CTNND1: variants seen among roughly 807,000 people sequenced by gnomAD.
CTNND1 encodes catenin delta 1.
CTNND1 carries 16 observed loss-of-function variants against 112.1 expected under a neutral mutation model. The observed-to-expected ratio is 0.14, with a 90% CI of 0.10 to 0.22. The LOEUF is 0.22. CTNND1 is among the 10% of genes least tolerant of loss of function. CTNND1 has a pLI of 1.00. For synonymous variants in CTNND1, 420 were observed against 446.5 expected (o/e 0.94, Z 0.75); for missense variants, 1,008 against 1,257.0 (o/e 0.80, Z 3.00).
At chr11:57,815,038 A>G (rs1439072929) in intron 18 of CTNND1, among the ~76,000 whole-genome samples, 2 of 151,990 alleles carry the variant, frequency 1.3e-5, no homozygotes, top group African/African-American at 4.8e-5. Flanking sequence ...CGTGATTCTC[A>G]TACCTCAGCC....
chr11:57,811,193 T>A (rs1323513138), intron 16 of CTNND1, among the ~76,000 whole-genome samples: 1 of 152,172 alleles, frequency 6.6e-6, no homozygotes, highest in Non-Finnish European at 1.5e-5. Context: ...AATATTTGGA[T>A]CCTTTGTAAT....
intron 12 of CTNND1, among the ~76,000 whole-genome samples, chr11:57,807,247 A>G (rs1292926343): frequency 6.6e-6 from 1 of 152,232 alleles, no homozygotes; most frequent in Non-Finnish European, 1.5e-5. Context: ...TTTAGGAACC[A>G]TAAATGGCCA....
At chr11:57,774,871 C>T (rs1188668566) in intron 1 of CTNND1, among the ~76,000 whole-genome samples, 2 of 152,054 alleles carry the variant, frequency 1.3e-5, no homozygotes, top group Non-Finnish European at 2.9e-5. Flanking sequence ...CGCCACCATA[C>T]CTGCTTAATT....
Position 57,816,933 on chromosome 11 carries a change from A to G in CTNND1, c.*625A>G, listed in dbSNP as rs2064021820. Reference sequence around the variant, plus strand: ...GGGATTAAGAAACCTTGCTCTCCTCATCTCCAAGGCAGGGACCATCAAGAA... The same window carrying G: ...GGGATTAAGAAACCTTGCTCTCCTCGTCTCCAAGGCAGGGACCATCAAGAA... On this transcript the variant is annotated 3_prime_UTR_variant, in exon 21 of 21. Coordinates refer to ENST00000399050, the MANE Select transcript of CTNND1 (RefSeq NM_001085458.2). The G allele has an allele frequency of 6.5e-6, 1 of 154,424 alleles. No homozygotes were observed. The highest frequency in any genetic ancestry group is 6.5e-5 in the Admixed American group (1 of 15,478). 9.6% of individuals were successfully genotyped at this position (154,424 alleles called of 1,614,324 possible).
intron 2 of CTNND1, 114 bp from the exon 3 acceptor site, chr11:57,791,271 T>C: frequency 2.2e-6 from 2 of 896,420 alleles, no homozygotes; most frequent in East Asian, 3.4e-5. Flanking sequence ...GGTGGCTTGC[T>C]TTCTGCACTG....
At chr11:57,814,265 T>A in intron 17 of CTNND1, 46 bp from the exon 18 acceptor site, 1 of 1,441,022 alleles carries the variant, frequency 6.9e-7, no homozygotes, top group Non-Finnish European at 9.7e-7. Context: ...GTGTACAGAT[T>A]TTGAAGAATT....
chr11:57,790,967 G>C (rs2060675464), intron 2 of CTNND1, among the ~76,000 whole-genome samples: 1 of 152,028 alleles, frequency 6.6e-6, no homozygotes, highest in Non-Finnish European at 1.5e-5. Context: ...AGTAAGATCT[G>C]TATTGCCCTA....
At chr11:57,762,513 A>C (rs1477969273) in intron 1 of CTNND1, among the ~76,000 whole-genome samples, 2 of 152,180 alleles carry the variant, frequency 1.3e-5, no homozygotes, top group East Asian at 3.8e-4. Context: ...CATATGTTTA[A>C]AACTTTTTTT....
chr11:57,816,631 G>A lies in CTNND1; in HGVS notation c.*323G>A. On this transcript the variant is annotated 3_prime_UTR_variant, in exon 21 of 21. Coordinates refer to ENST00000399050, the MANE Select transcript of CTNND1 (RefSeq NM_001085458.2). Reference sequence around the variant, plus strand: ...CCTGGAACTCCTGGCCTTTTGTGGAGGGGAGGGATGGAGAGAATAGGAATC... The same window carrying A: ...CCTGGAACTCCTGGCCTTTTGTGGAAGGGAGGGATGGAGAGAATAGGAATC... 1 of 438,706 alleles carries A rather than the reference G, an allele frequency of 2.3e-6. No individual in the cohort carries two copies. The highest frequency in any genetic ancestry group is 2.6e-5 in the South Asian group (1 of 38,304). 27.2% of individuals were successfully genotyped at this position (438,706 alleles called of 1,614,324 possible).
In CTNND1 at chr11:57,815,948, T is replaced by C. The variant is rs777577627; in HGVS notation, c.2842T>C (p.Leu948=). The C allele has an allele frequency of 6.2e-7, 1 of 1,602,630 alleles. No individual in the cohort carries two copies. Among genetic ancestry groups the C allele is most frequent in the South Asian group, 1.1e-5 (1 of 88,570 alleles). Residue 948 remains leucine, a synonymous_variant, in exon 20 of 21, where the codon TTG becomes CTG. Transcript: ENST00000399050. The part of the protein sequence containing the change: ...DEGQESLEEE[L]DVLVLDDEGG... ...GGGGCAGGAATCTCTGGAGGAAGAG[T>C]TGGATGTGTTGGTTTTGGATGATGA...
At chr11:57,767,646 C>T (rs1353898134) in intron 1 of CTNND1, among the ~76,000 whole-genome samples, 2 of 150,236 alleles carry the variant, frequency 1.3e-5, no homozygotes, top group East Asian at 3.9e-4. Context: ...TCTCTCTCTG[C>T]CTTGGCCTCC....
intron 17 of CTNND1, among the ~76,000 whole-genome samples, chr11:57,813,492 A>G (rs749069317): frequency 1.3e-5 from 2 of 152,250 alleles, no homozygotes; most frequent in African/African-American, 4.8e-5. Context: ...AAAATCGTAC[A>G]TAGGTAATTG....
At chr11:57,780,382 CAT>C (rs1018031337) in intron 1 of CTNND1, among the ~76,000 whole-genome samples, 9 of 152,172 alleles carry the variant, frequency 5.9e-5, no homozygotes, top group Non-Finnish European at 8.8e-5. Flanking sequence ...CCCCAGGAAA[CAT>C]AGAAAATTCA....
chr11:57,795,384 A>G (rs1174816878), intron 4 of CTNND1, among the ~76,000 whole-genome samples, 193 bp from the exon 5 acceptor site: 2 of 152,188 alleles, frequency 1.3e-5, no homozygotes, highest in East Asian at 3.9e-4. Flanking sequence ...AATGACTACA[A>G]CTGGGAAATT....
intron 1 of CTNND1, among the ~76,000 whole-genome samples, chr11:57,770,503 A>G (rs1468294343): frequency 1.3e-5 from 2 of 151,884 alleles, no homozygotes; most frequent in Non-Finnish European, 2.9e-5. Flanking sequence ...AATTTCAAAA[A>G]TTAGCTGGGC....
At chr11:57,814,496 G>A in intron 18 of CTNND1, 123 bp downstream of exon 18, 1 of 664,324 alleles carries the variant, frequency 1.5e-6, no homozygotes. Context: ...AGCATTGGCT[G>A]ATCATTTCCA....
At position 57,818,792 on chromosome 11, in the gene CTNND1, G is replaced by C. The variant is rs926019327; in HGVS notation, c.*2484G>C. Reference sequence around the variant, plus strand: ...TTTGACAAAACTAACCTTGAATAAGGCCCACTGTAATACGTAGCTCTCTTA... The same window carrying C: ...TTTGACAAAACTAACCTTGAATAAGCCCCACTGTAATACGTAGCTCTCTTA... On this transcript the variant is annotated 3_prime_UTR_variant, in exon 21 of 21. Coordinates refer to ENST00000399050, the MANE Select transcript of CTNND1 (RefSeq NM_001085458.2). The C allele has an allele frequency of 6.6e-6, 1 of 152,114 alleles. No individual in the cohort carries two copies. The highest frequency in any genetic ancestry group is 1.5e-5 in the Non-Finnish European group (1 of 68,028). 9.4% of individuals were successfully genotyped at this position (152,114 alleles called of 1,614,324 possible).
chr11:57,765,870 G>A (rs564812369), intron 1 of CTNND1, among the ~76,000 whole-genome samples: 1 of 152,240 alleles, frequency 6.6e-6, no homozygotes, highest in East Asian at 1.9e-4. Flanking sequence ...ACAAAGAATA[G>A]TATAAAAAGT....
intron 11 of CTNND1, 116 bp from the exon 12 acceptor site, chr11:57,806,799 C>A (rs1414960232): frequency 2.3e-6 from 2 of 870,764 alleles, no homozygotes; most frequent in African/African-American, 1.7e-5. Context: ...CCCTTTTCCC[C>A]TCGTGGTGCA....
Sources: gnomAD v4.1 joint callset for allele counts (sites outside exome capture counted in the v4.1 genomes callset) on GRCh38, gnomAD v4.1.1 for gene constraint, MANE v1.5 for transcripts, NCBI Gene and HGNC (gene_info 2026-07-23, HGNC 2026-07-21) for gene names.